The following SPATA6L variants were observed in gnomAD, a reference collection of about 807,000 sequenced individuals.
SPATA6L encodes spermatogenesis associated 6-like protein.
SPATA6L carries 68 observed loss-of-function variants against 49.2 expected under a neutral mutation model. The observed-to-expected ratio is 1.38, with a 90% confidence interval of 1.14 to 1.69. The LOEUF (loss-of-function observed/expected upper bound fraction) is 1.69. Ranked by LOEUF, SPATA6L falls within the 40% of genes most tolerant of loss-of-function variation. The pLI is 0.00. For synonymous variants in SPATA6L, 198 were observed against 165.7 expected, an observed-to-expected ratio of 1.19 and a Z score of -1.50; for missense variants, 668 against 464.3, an observed-to-expected ratio of 1.44 and a Z score of -4.03.
rs1360972927 is a variant in SPATA6L, at chr9:4,666,213, G to C, written c.38C>G (p.Ala13Gly). 1.9e-6 allele frequency: 3 copies of C among 1,614,042 alleles called. No homozygotes were observed. The highest frequency in any genetic ancestry group is 2.5e-6 in the Non-Finnish European group (3 of 1,179,986). ...LEVVVELQIR[A>G]ISCPGVFLPG... ...AGGGGGAGTTCATCGATCTCTTACCGCCCGGATCTGCAGCTCCACCACCAC... is the reference window on the plus strand; with the variant it reads ...AGGGGGAGTTCATCGATCTCTTACCCCCCGGATCTGCAGCTCCACCACCAC... The change falls in exon 1 of 12, where the codon GCG (alanine) becomes GGG (glycine). Residue 13 changes from alanine to glycine, a missense_variant and splice_region_variant. Transcript: ENST00000682582.
At chr9:4,615,888 G>A (rs1419640628) in intron 9 of SPATA6L, among the ~76,000 whole-genome samples, 1 of 152,104 alleles carries the variant, frequency 6.6e-6, no homozygotes, top group Non-Finnish European at 1.5e-5. Context: ...AAAAACCACG[G>A]GTTTTCCCCA....
intron 3 of SPATA6L, among the ~76,000 whole-genome samples, chr9:4,640,056 A>G (rs1432142349): frequency 6.6e-6 from 1 of 152,250 alleles, no homozygotes; most frequent in Non-Finnish European, 1.5e-5. Context: ...TTGCTATAAA[A>G]GCACTGCTAT....
intron 8 of SPATA6L, among the ~76,000 whole-genome samples, 197 bp downstream of exon 8, chr9:4,618,667 A>C (rs1828571139): frequency 6.6e-6 from 1 of 152,210 alleles, no homozygotes; most frequent in Non-Finnish European, 1.5e-5. Context: ...TCCTACTTAT[A>C]TGAGGGGCAC....
At chr9:4,666,074 A>T in intron 1 of SPATA6L, 138 bp downstream of exon 1, 2 of 802,928 alleles carry the variant, frequency 2.5e-6, no homozygotes, top group South Asian at 1.5e-5. Context: ...GGAGAAAAAG[A>T]CAAAGGTGCG....
chr9:4,642,564 C>A (rs1325772488), intron 3 of SPATA6L, among the ~76,000 whole-genome samples: 1 of 152,180 alleles, frequency 6.6e-6, no homozygotes, highest in Non-Finnish European at 1.5e-5. Flanking sequence ...GGGTTCACTG[C>A]ACTTCACTTG....
chr9:4,622,087 G>A (rs1262702693), intron 7 of SPATA6L, among the ~76,000 whole-genome samples: 1 of 152,172 alleles, frequency 6.6e-6, no homozygotes, highest in Non-Finnish European at 1.5e-5. Flanking sequence ...AGGCATCAAT[G>A]GTGACTTTGC....
intron 3 of SPATA6L, among the ~76,000 whole-genome samples, chr9:4,651,421 A>G (rs1349802468): frequency 6.6e-6 from 1 of 152,192 alleles, no homozygotes; most frequent in African/African-American, 2.4e-5. Context: ...GGTAAATACT[A>G]CCTTAAGAAT....
intron 3 of SPATA6L, among the ~76,000 whole-genome samples, chr9:4,637,030 T>C (rs1176610788): frequency 6.6e-6 from 1 of 152,166 alleles, no homozygotes; most frequent in Admixed American, 6.5e-5. Context: ...GCTTAAAACC[T>C]TCCAATGGGC....
chr9:4,650,222 C>G (rs1488089766), intron 3 of SPATA6L, among the ~76,000 whole-genome samples: 1 of 152,216 alleles, frequency 6.6e-6, no homozygotes, highest in Non-Finnish European at 1.5e-5. Context: ...CCCATTCTGA[C>G]TTCTACCCAG....
chr9:4,658,356 A>C (rs548947407), intron 2 of SPATA6L, among the ~76,000 whole-genome samples: 149 of 152,354 alleles, frequency 9.8e-4, no homozygotes, highest in Non-Finnish European at 1.8e-3. Context: ...ATTACACAGA[A>C]GATCCGAGGA....
At chr9:4,657,335 G>A (rs1264927992) in intron 2 of SPATA6L, among the ~76,000 whole-genome samples, 2 of 152,066 alleles carry the variant, frequency 1.3e-5, no homozygotes, top group Non-Finnish European at 2.9e-5. Flanking sequence ...TTTACCCATT[G>A]TTATGGGTTG....
At chr9:4,666,168 A>G in intron 1 of SPATA6L, 44 bp downstream of exon 1, 1 of 1,605,238 alleles carries the variant, frequency 6.2e-7, no homozygotes, top group Non-Finnish European at 8.5e-7. Flanking sequence ...GACTATTTAG[A>G]GTCCGACTTG....
At chr9:4,595,338 C>A (rs1822174403), downstream of SPATA6L, among the ~76,000 whole-genome samples, 1 of 152,182 alleles carries the variant, frequency 6.6e-6, no homozygotes, top group Non-Finnish European at 1.5e-5. Context: ...TCCTGTGACT[C>A]TCCTACTCAG....
At chr9:4,603,491 T>C (rs1823887124) in intron 11 of SPATA6L, among the ~76,000 whole-genome samples, 1 of 152,176 alleles carries the variant, frequency 6.6e-6, no homozygotes, top group African/African-American at 2.4e-5. Context: ...GGTCAGGTGA[T>C]ACAGAGACAG....
Position 4,622,862 on chromosome 9 carries a change from G to T in SPATA6L, c.670-352C>A, listed in dbSNP as rs142224505. ...AAATAGGACAACGTTTCACATTCCT[G>T]AAACAGTATGAGTAGTGCTGGCCTA... On this transcript the variant is annotated intron_variant, in intron 6 of 11. Coordinates refer to ENST00000682582, the MANE Select transcript of SPATA6L (RefSeq NM_001353486.2). Among the ~76,000 whole-genome samples the T allele has an allele frequency of 4.3e-3, 662 of 152,332 alleles. 6 individuals are homozygous for T. The highest frequency in any genetic ancestry group is 0.015 in the African/African-American group (626 of 41,578).
At chr9:4,653,271 T>C (rs1392949685) in intron 3 of SPATA6L, among the ~76,000 whole-genome samples, 1 of 152,238 alleles carries the variant, frequency 6.6e-6, no homozygotes, top group Admixed American at 6.5e-5. Flanking sequence ...AGAATGGTCT[T>C]TTATCAAATG....
At chr9:4,661,754 C>CTGCGGTTTTGCTTCAAGGCCGAT in intron 2 of SPATA6L, 145 bp downstream of exon 2, 3 of 1,082,586 alleles carry the variant, frequency 2.8e-6, no homozygotes, top group African/African-American at 1.6e-5. Flanking sequence ...AGTGTTCCGA[C>CTGCGGTTTTGCTTCAAGGCCGAT]TGCGGTTTTG....
At chr9:4,641,869 C>A (rs1054121573) in intron 3 of SPATA6L, among the ~76,000 whole-genome samples, 11 of 152,162 alleles carry the variant, frequency 7.2e-5, no homozygotes, top group African/African-American at 2.7e-4. Flanking sequence ...ACCTCTTTGG[C>A]TCAGGTGACC....
At chr9:4,591,727 A>G (rs1318103595) in intron 13 of SPATA6L, among the ~76,000 whole-genome samples, 1 of 152,198 alleles carries the variant, frequency 6.6e-6, no homozygotes, top group Non-Finnish European at 1.5e-5. Context: ...TTAGAAAAAC[A>G]TGCCACTGCA....
Sources: gnomAD v4.1 joint callset for allele counts (sites outside exome capture counted in the v4.1 genomes callset) on GRCh38, gnomAD v4.1.1 for gene constraint, MANE v1.5 for transcripts, NCBI Gene and HGNC (gene_info 2026-07-23, HGNC 2026-07-21) for gene names.